GALNT13: variants seen among roughly 807,000 people sequenced by gnomAD.
GALNT13 encodes UDP-GalNAc:polypeptide N-acetylgalactosaminyltransferase 13.
In GALNT13, 28 loss-of-function variants were observed where a neutral mutation model predicts 64.2. The ratio of observed to expected loss-of-function variants is 0.44; its 90% CI spans 0.32 to 0.60. The LOEUF (loss-of-function observed/expected upper bound fraction) is 0.60, where lower values mean the gene tolerates loss of function less well. Ranked by LOEUF, GALNT13 falls within the 20% of genes least tolerant of loss-of-function variation. GALNT13 has a pLI of 0.05. For synonymous variants in GALNT13, 214 were observed against 224.6 expected (o/e 0.95, Z 0.42); for missense variants, 577 against 669.8 (o/e 0.86, Z 1.53).
At chr2:153,193,678 C>T in the GALNT13 span, among the ~76,000 whole-genome samples, 3 of 151,590 alleles carry the variant, frequency 2.0e-5, no homozygotes, top group African/African-American at 4.8e-5. Flanking sequence ...TGAATCCTGT[C>T]TCTTCCTCAT....
intron 9 of GALNT13, among the ~76,000 whole-genome samples, chr2:154,333,308 GTTT>G (rs1695267500): frequency 6.6e-6 from 1 of 151,842 alleles, no homozygotes; most frequent in Admixed American, 6.6e-5. Context: ...ATACATAAAT[GTTT>G]TTCTAAGTAG....
intron 12 of GALNT13, among the ~76,000 whole-genome samples, chr2:154,441,247 G>A (rs900087135): frequency 1.3e-5 from 2 of 152,112 alleles, no homozygotes; most frequent in Admixed American, 1.3e-4. Context: ...CCTCCAGAGG[G>A]GAGCAGAGAG....
chr2:153,381,984 T>C, the GALNT13 span, among the ~76,000 whole-genome samples: 1 of 152,036 alleles, frequency 6.6e-6, no homozygotes, highest in African/African-American at 2.4e-5. Flanking sequence ...TAATTCCATA[T>C]AGCTAATGGC....
chr2:153,412,689 T>C, the GALNT13 span, among the ~76,000 whole-genome samples: 1 of 152,204 alleles, frequency 6.6e-6, no homozygotes, highest in Non-Finnish European at 1.5e-5. Context: ...ATCCAAAAGC[T>C]TGGGGCTGTC....
At chr2:153,164,133 T>C in the GALNT13 span, among the ~76,000 whole-genome samples, 1 of 152,186 alleles carries the variant, frequency 6.6e-6, no homozygotes, top group Non-Finnish European at 1.5e-5. Context: ...GTTTTATTTC[T>C]TATTTATTTT....
chr2:153,439,839 C>T, the GALNT13 span, among the ~76,000 whole-genome samples: 1 of 152,152 alleles, frequency 6.6e-6, no homozygotes, highest in African/African-American at 2.4e-5. Context: ...CATCCACTGT[C>T]CGGCACTCCC....
chr2:153,785,855 C>T, the GALNT13 span, among the ~76,000 whole-genome samples: 63 of 152,250 alleles, frequency 4.1e-4, no homozygotes, highest in African/African-American at 1.2e-3. Context: ...CTCCAGGCTC[C>T]GGAGAGTCCT....
At chr2:153,523,682 T>C in the GALNT13 span, among the ~76,000 whole-genome samples, 1 of 152,322 alleles carries the variant, frequency 6.6e-6, no homozygotes, top group East Asian at 1.9e-4. Context: ...AATCATGCTG[T>C]AATCACTTAC....
At chr2:154,070,966 A>G (rs903003440) in intron 3 of GALNT13, among the ~76,000 whole-genome samples, 4 of 151,942 alleles carry the variant, frequency 2.6e-5, no homozygotes, top group African/African-American at 4.8e-5. Context: ...TCACTTAGCT[A>G]TATATAAGGA....
At chr2:154,215,063 C>T (rs748755051) in intron 4 of GALNT13, among the ~76,000 whole-genome samples, 14 of 152,116 alleles carry the variant, frequency 9.2e-5, no homozygotes, top group Non-Finnish European at 1.8e-4. Context: ...ATTCTGCAAC[C>T]ATATTTGAAG....
chr2:154,206,535 C>T (rs1250535189), intron 4 of GALNT13, among the ~76,000 whole-genome samples: 1 of 151,832 alleles, frequency 6.6e-6, no homozygotes, highest in Non-Finnish European at 1.5e-5. Flanking sequence ...TGGCTCACGC[C>T]TGTAAACCTA....
At chr2:154,343,128 C>T (rs1443945483) in intron 9 of GALNT13, among the ~76,000 whole-genome samples, 1 of 151,936 alleles carries the variant, frequency 6.6e-6, no homozygotes, top group Non-Finnish European at 1.5e-5. Context: ...CAAACCCTGT[C>T]CTGCCCTTTG....
the GALNT13 span, among the ~76,000 whole-genome samples, chr2:153,571,852 T>G: frequency 4.6e-5 from 7 of 152,158 alleles, no homozygotes; most frequent in African/African-American, 1.7e-4. Flanking sequence ...GGTTTGCTAG[T>G]ATTTTGTTGA....
the GALNT13 span, among the ~76,000 whole-genome samples, chr2:153,579,020 A>C: frequency 3.3e-5 from 5 of 152,330 alleles, no homozygotes; most frequent in Middle Eastern, 6.8e-3. Flanking sequence ...TAAGAACTTA[A>C]ACTTTACAAA....
chr2:153,522,423 G>C, the GALNT13 span, among the ~76,000 whole-genome samples: 3 of 152,064 alleles, frequency 2.0e-5, no homozygotes, highest in Non-Finnish European at 4.4e-5. Flanking sequence ...CATATGCTAA[G>C]AGTAAGTTTA....
At chr2:153,694,993 A>C in the GALNT13 span, among the ~76,000 whole-genome samples, 1 of 152,218 alleles carries the variant, frequency 6.6e-6, no homozygotes. Context: ...AAAAGATACA[A>C]GGAAAAATCA....
chr2:154,300,669 T>C (rs1693392842), intron 8 of GALNT13, among the ~76,000 whole-genome samples: 1 of 152,134 alleles, frequency 6.6e-6, no homozygotes, highest in Non-Finnish European at 1.5e-5. Flanking sequence ...TAGAAATCAG[T>C]ATTTTATGGC....
the GALNT13 span, among the ~76,000 whole-genome samples, chr2:153,856,592 G>A: frequency 6.6e-6 from 1 of 152,102 alleles, no homozygotes; most frequent in African/African-American, 2.4e-5. Flanking sequence ...AATCCGAACT[G>A]AATGCATAAA....
chr2:153,653,047 A>G, the GALNT13 span, among the ~76,000 whole-genome samples: 1 of 152,188 alleles, frequency 6.6e-6, no homozygotes, highest in African/African-American at 2.4e-5. Context: ...GGAAATACAT[A>G]CCTTAGGTGG....
Sources: gnomAD v4.1 joint callset for allele counts (sites outside exome capture counted in the v4.1 genomes callset) on GRCh38, gnomAD v4.1.1 for gene constraint, MANE v1.5 for transcripts, NCBI Gene and HGNC (gene_info 2026-07-23, HGNC 2026-07-21) for gene names.